Variants in NRXN3 observed in about 807,000 individuals in gnomAD.
The protein encoded by NRXN3 is neurexin 3.
Under a neutral mutation model 137.6 loss-of-function variants are expected in NRXN3, and 32 were observed. The observed-to-expected ratio is 0.23, with a 90% CI of 0.18 to 0.31. The LOEUF (loss-of-function observed/expected upper bound fraction) is 0.31. Among genes scored for constraint, NRXN3 ranks in the 10% least tolerant of loss-of-function variants. The probability of loss-of-function intolerance (pLI) is 1.00; values close to 1 mark genes in which losing one functional copy is unlikely to be tolerated. For missense variants in NRXN3, 1,574 were observed against 2,062.5 expected, an observed-to-expected ratio of 0.76 and a Z score of 4.59; for synonymous variants, 798 against 784.5, an observed-to-expected ratio of 1.02 and a Z score of -0.29.
intron 6 of NRXN3, among the ~76,000 whole-genome samples, chr14:78,666,801 C>T (rs766713203): frequency 4.6e-5 from 7 of 152,056 alleles, no homozygotes; most frequent in African/African-American, 7.2e-5. Context: ...CATTCTGCCC[C>T]GTTTTGCTCT....
intron 16 of NRXN3, among the ~76,000 whole-genome samples, chr14:79,587,137 A>G (rs896451636): frequency 9.2e-5 from 14 of 152,174 alleles, no homozygotes; most frequent in African/African-American, 3.1e-4. Flanking sequence ...TATCCTCACT[A>G]CAGAATATGG....
chr14:78,273,916 G>A (rs1055080015), intron 2 of NRXN3, among the ~76,000 whole-genome samples: 4 of 152,196 alleles, frequency 2.6e-5, no homozygotes, highest in South Asian at 2.1e-4. Context: ...AAATAGGTCA[G>A]ACTCAAGGCA....
At chr14:79,438,820 G>T (rs1263445608) in intron 15 of NRXN3, among the ~76,000 whole-genome samples, 3 of 152,324 alleles carry the variant, frequency 2.0e-5, no homozygotes, top group Non-Finnish European at 4.4e-5. Flanking sequence ...AAATGTATAA[G>T]ATAATAAGAG....
chr14:79,082,397 G>GTGTGTGTGTT (rs1485313951), intron 15 of NRXN3, among the ~76,000 whole-genome samples: 12 of 151,788 alleles, frequency 7.9e-5, no homozygotes, highest in Admixed American at 7.2e-4. Context: ...CTAATTGTGT[G>GTGTGTGTGTT]TGTGTGTGTG....
intron 1 of NRXN3, among the ~76,000 whole-genome samples, chr14:78,171,402 T>C (rs572732467): frequency 1.3e-5 from 2 of 152,094 alleles, no homozygotes; most frequent in Admixed American, 6.6e-5. Context: ...CAAGGGAATC[T>C]TCCTCCACTG....
intron 4 of NRXN3, among the ~76,000 whole-genome samples, chr14:78,594,011 C>T (rs577069617): frequency 4.6e-5 from 7 of 152,288 alleles, no homozygotes; most frequent in African/African-American, 1.7e-4. Context: ...CTCCTTCCCC[C>T]ATGTCCCCAG....
chr14:78,718,418 A>G (rs2098444317), intron 8 of NRXN3, among the ~76,000 whole-genome samples: 1 of 152,188 alleles, frequency 6.6e-6, no homozygotes, highest in Non-Finnish European at 1.5e-5. Context: ...GTCAGACACT[A>G]GACACTACAT....
chr14:78,528,434 G>A (rs546957868), intron 4 of NRXN3, among the ~76,000 whole-genome samples: 21 of 152,270 alleles, frequency 1.4e-4, no homozygotes, highest in Admixed American at 1.2e-3. Flanking sequence ...CAGTAGCCAG[G>A]ATGTGGGATG....
At chr14:78,520,568 A>G (rs1281604595) in intron 4 of NRXN3, among the ~76,000 whole-genome samples, 1 of 152,182 alleles carries the variant, frequency 6.6e-6, no homozygotes, top group Non-Finnish European at 1.5e-5. Context: ...AGAATACTGG[A>G]TTTGAAATTA....
At chr14:79,496,862 C>A (rs1228218210) in intron 16 of NRXN3, among the ~76,000 whole-genome samples, 2 of 152,204 alleles carry the variant, frequency 1.3e-5, no homozygotes, top group African/African-American at 2.4e-5. Flanking sequence ...TACAGCCCAG[C>A]ATGGGAGAGG....
At chr14:79,061,142 A>G (rs909663095) in intron 15 of NRXN3, among the ~76,000 whole-genome samples, 30 of 152,242 alleles carry the variant, frequency 2.0e-4, no homozygotes, top group African/African-American at 6.3e-4. Flanking sequence ...TTAATTCAAT[A>G]AGAATTTATT....
chr14:78,752,980 GAGGGTGTGGT>G (rs1428569305), intron 8 of NRXN3, among the ~76,000 whole-genome samples: 1 of 152,196 alleles, frequency 6.6e-6, no homozygotes, highest in African/African-American at 2.4e-5. Flanking sequence ...ACTGCAGGCT[GAGGGTGTGGT>G]GTACACACTC....
intron 10 of NRXN3, among the ~76,000 whole-genome samples, chr14:78,818,875 G>T (rs1368517402): frequency 6.6e-6 from 1 of 152,072 alleles, no homozygotes; most frequent in Non-Finnish European, 1.5e-5. Flanking sequence ...TTTTCTTGAA[G>T]AAATTGGACC....
At chr14:78,768,682 G>A (rs538565380) in intron 8 of NRXN3, among the ~76,000 whole-genome samples, 2 of 152,216 alleles carry the variant, frequency 1.3e-5, no homozygotes, top group African/African-American at 4.8e-5. Flanking sequence ...ATCCTTAAAG[G>A]CCCGGCACAG....
At chr14:79,380,730 G>A (rs1402129067) in intron 15 of NRXN3, among the ~76,000 whole-genome samples, 3 of 152,158 alleles carry the variant, frequency 2.0e-5, no homozygotes, top group African/African-American at 4.8e-5. Context: ...GGATGGCTGG[G>A]TCAAATGGTA....
chr14:78,626,161 C>T (rs1380904805), intron 4 of NRXN3, among the ~76,000 whole-genome samples: 2 of 152,200 alleles, frequency 1.3e-5, no homozygotes, highest in Admixed American at 6.5e-5. Context: ...CTCAGAACCC[C>T]GGAAAGGTAC....
chr14:78,917,039 C>A (rs1437642425), intron 10 of NRXN3, among the ~76,000 whole-genome samples: 1 of 152,142 alleles, frequency 6.6e-6, no homozygotes, highest in Non-Finnish European at 1.5e-5. Flanking sequence ...CTTAAAGACC[C>A]TATCTTCAAA....
At chr14:78,319,387 G>T (rs1424990448) in intron 4 of NRXN3, among the ~76,000 whole-genome samples, 1 of 152,164 alleles carries the variant, frequency 6.6e-6, no homozygotes, top group African/African-American at 2.4e-5. Flanking sequence ...GAGAAACATG[G>T]GGAGTAGCCT....
intron 15 of NRXN3, among the ~76,000 whole-genome samples, chr14:78,998,072 G>A (rs529041473): frequency 6.6e-6 from 1 of 152,270 alleles, no homozygotes; most frequent in African/African-American, 2.4e-5. Context: ...GTAAGCTGGA[G>A]CAGTCTTAAA....
Sources: gnomAD v4.1 joint callset for allele counts (sites outside exome capture counted in the v4.1 genomes callset) on GRCh38, gnomAD v4.1.1 for gene constraint, MANE v1.5 for transcripts, NCBI Gene and HGNC (gene_info 2026-07-23, HGNC 2026-07-21) for gene names.